Variants in ADH1C observed in about 807,000 individuals in gnomAD.
The protein encoded by ADH1C is alcohol dehydrogenase 1C.
In ADH1C, 26 loss-of-function variants were observed where a neutral mutation model predicts 35.0. The ratio of observed to expected loss-of-function variants is 0.74; its 90% CI spans 0.54 to 1.03. The LOEUF is 1.03. Among genes scored for constraint, ADH1C ranks in the 50% least tolerant of loss-of-function variants. The probability of loss-of-function intolerance (pLI) is 0.00; values close to 1 mark genes in which losing one functional copy is unlikely to be tolerated. For synonymous variants in ADH1C, 170 were observed against 169.3 expected, an observed-to-expected ratio of 1.00 and a Z score of -0.03; for missense variants, 413 against 465.4, an observed-to-expected ratio of 0.89 and a Z score of 1.04.
At chr4:99,351,807 ATTTT>A (rs1301633016) in intron 1 of ADH1C, among the ~76,000 whole-genome samples, 1 of 152,220 alleles carries the variant, frequency 6.6e-6, no homozygotes, top group Non-Finnish European at 1.5e-5. Context: ...AGTTGCACAG[ATTTT>A]TTTAAATTAG....
intron 3 of ADH1C, among the ~76,000 whole-genome samples, chr4:99,346,307 A>C (rs1328495925): frequency 6.6e-6 from 1 of 152,134 alleles, no homozygotes; most frequent in Non-Finnish European, 1.5e-5. Flanking sequence ...ATTTATATTA[A>C]TACATAATAA....
intron 6 of ADH1C, among the ~76,000 whole-genome samples, chr4:99,341,576 T>C (rs1734416236): frequency 6.6e-6 from 1 of 152,192 alleles, no homozygotes; most frequent in Admixed American, 6.5e-5. Flanking sequence ...TATTCCTCTG[T>C]GGCATTTGTC....
intron 1 of ADH1C, among the ~76,000 whole-genome samples, chr4:99,348,389 T>A (rs1178313370): frequency 6.6e-6 from 1 of 151,560 alleles, no homozygotes. Flanking sequence ...TGGTTTTTTG[T>A]TCTTGCGATA....
intron 3 of ADH1C, among the ~76,000 whole-genome samples, chr4:99,346,515 A>G (rs283412): frequency 0.98 from 148,952 of 152,196 alleles, 72,907 homozygotes; most frequent in East Asian, 1. Context: ...GGAAATCGGT[A>G]AAGGAGCTGC....
At chr4:99,352,550 AT>A in intron 1 of ADH1C, 107 bp downstream of exon 1, 3 of 854,140 alleles carry the variant, frequency 3.5e-6, no homozygotes, top group Non-Finnish European at 5.3e-6. Context: ...TCATCATCTA[AT>A]TTAGATATGA....
chr4:99,344,876 C>T lies in ADH1C; in HGVS notation c.553G>A (p.Val185Ile). ...CGFSTGYGSA[V>I]KVAKVTPGST... ...GTCATTTCTACCTTGGCAACTTTGA[C>T]TGCAGACCCATAACCAGTCGAAAAT... is the stretch of plus-strand genomic sequence containing the variant. Residue 185 changes from valine (V) to isoleucine (I), a missense_variant, in exon 5 of 9, where the codon GTC (valine) becomes ATC (isoleucine). By Grantham distance (29) the Val-to-Ile change is conservative. Transcript: ENST00000515683. 1 of 1,614,188 alleles carries T rather than the reference C, an allele frequency of 6.2e-7. No individual in the cohort carries two copies. The highest frequency in any genetic ancestry group is 1.1e-5 in the South Asian group (1 of 91,088).
intron 1 of ADH1C, among the ~76,000 whole-genome samples, chr4:99,349,716 T>C (rs910004629): frequency 3.9e-5 from 6 of 152,194 alleles, no homozygotes; most frequent in African/African-American, 1.4e-4. Context: ...GCCTGTTTTG[T>C]TCATCTAATT....
chr4:99,341,592 T>G (rs977547957), intron 6 of ADH1C, among the ~76,000 whole-genome samples: 3 of 152,162 alleles, frequency 2.0e-5, no homozygotes, highest in Non-Finnish European at 4.4e-5. Flanking sequence ...TTGTCCCAGG[T>G]CAAGGCTGCT....
rs189196258 is a variant in ADH1C at position 99,345,862 on chromosome 4, G to A, written c.260-596C>T. 3.3e-5 allele frequency among the ~76,000 whole-genome samples: 5 copies of A among 152,198 alleles called. No homozygotes were observed. The East Asian group carries it at 5.8e-4, about 18-fold the overall frequency. ...GGACAAAGAAGAATTACAGAAATTC[G>A]TCTGAAAATTTCTACCTTCCACAAC... On this transcript the variant is annotated intron_variant, in intron 3 of 8. Transcript: ENST00000515683.
chr4:99,348,277 TC>T (rs1356206415), intron 1 of ADH1C, among the ~76,000 whole-genome samples: 2 of 82,166 alleles, frequency 2.4e-5, no homozygotes, highest in South Asian at 5.3e-4. Flanking sequence ...CCCTCCCCCC[TC>T]CCCCCACCCC....
intron 1 of ADH1C, among the ~76,000 whole-genome samples, chr4:99,352,006 AG>A (rs1202690104): frequency 6.6e-6 from 1 of 152,150 alleles, no homozygotes; most frequent in Non-Finnish European, 1.5e-5. Flanking sequence ...TATATAGGGG[AG>A]ATACTGTTCC....
At position 99,336,534 on chromosome 4, in the gene ADH1C, GT is replaced by G. The variant is rs2110650263; in HGVS notation, c.*217del. The G allele has an allele frequency of 1.6e-6, 1 of 614,480 alleles. No individual in the cohort carries two copies. The highest frequency in any genetic ancestry group is 2.9e-5 in the East Asian group (1 of 34,898). 38.1% of individuals were successfully genotyped at this position (614,480 alleles called of 1,614,324 possible). A position where few individuals can be genotyped will look rare whatever the true frequency, so the allele number is the denominator to read the frequency against. ...AAGGTTTATTGGCTTCAATTCCCCAGTTGATGTTCAACACTTTATTTAGTTC... is the reference window on the plus strand; with the variant it reads ...AAGGTTTATTGGCTTCAATTCCCCAGTGATGTTCAACACTTTATTTAGTTC... On this transcript the variant is annotated 3_prime_UTR_variant, in exon 9 of 9. Coordinates refer to ENST00000515683, the MANE Select transcript of ADH1C (RefSeq NM_000669.5).
At chr4:99,345,424 G>A (rs1165315262) in intron 3 of ADH1C, among the ~76,000 whole-genome samples, 158 bp from the exon 4 acceptor site, 3 of 152,198 alleles carry the variant, frequency 2.0e-5, no homozygotes, top group African/African-American at 7.2e-5. Flanking sequence ...GCCTGCCAAG[G>A]CATTGTTTTT....
intron 8 of ADH1C, 37 bp from the exon 9 acceptor site, chr4:99,336,813 A>G (rs761509405): frequency 6.2e-7 from 1 of 1,613,268 alleles, no homozygotes; most frequent in Non-Finnish European, 8.5e-7. Context: ...GTTAACATTT[A>G]GACAACCCAC....
rs1472863843 is a variant in ADH1C at position 99,345,067 on chromosome 4, C to T, written c.362G>A (p.Arg121Gln). ...YCLKNDLGNP[R>Q]GTLQDGTRRF... ...CCTGGTGCCATCCTGCAGGGTCCCCCGAGGATTGCCTAGACTGGGCAGTGC... is the reference window on the plus strand; with the variant it reads ...CCTGGTGCCATCCTGCAGGGTCCCCTGAGGATTGCCTAGACTGGGCAGTGC... Residue 121 changes from arginine to glutamine, a missense_variant, in exon 5 of 9, where the codon CGG becomes CAG. Coordinates refer to ENST00000515683, the MANE Select transcript of ADH1C (RefSeq NM_000669.5). 21 of 1,614,126 alleles carry T rather than the reference C, an allele frequency of 1.3e-5. No individual in the cohort carries two copies. Among genetic ancestry groups the T allele is most frequent in the African/African-American group, 5.3e-5 (4 of 75,038 alleles).
intron 5 of ADH1C, among the ~76,000 whole-genome samples, chr4:99,344,064 T>C (rs1161047010): frequency 2.0e-5 from 3 of 152,226 alleles, no homozygotes; most frequent in African/African-American, 7.2e-5. Context: ...CTAATAATTA[T>C]GGATTGTGAT....
chr4:99,342,056 G>A (rs551869592), intron 6 of ADH1C, among the ~76,000 whole-genome samples: 1 of 151,980 alleles, frequency 6.6e-6, no homozygotes, highest in South Asian at 2.1e-4. Context: ...AAATAAAAAA[G>A]GGGGCTGCTG....
intron 1 of ADH1C, among the ~76,000 whole-genome samples, chr4:99,349,124 G>T (rs283414): frequency 0.85 from 107,882 of 126,984 alleles, 46,044 homozygotes; most frequent in East Asian, 1. Flanking sequence ...AGAAGCTCTT[G>T]AGTTTAATTA....
At chr4:99,343,204 C>T (rs1734457361) in intron 5 of ADH1C, 149 bp from the exon 6 acceptor site, 1 of 1,196,912 alleles carries the variant, frequency 8.4e-7, no homozygotes, top group Non-Finnish European at 1.2e-6. Flanking sequence ...GCTTGAAATG[C>T]TTCATGTTTA....
Sources: allele counts gnomAD v4.1 joint callset (sites outside exome capture counted in the v4.1 genomes callset), GRCh38; gene constraint gnomAD v4.1.1; transcripts MANE v1.5; gene names NCBI Gene and HGNC (gene_info 2026-07-23, HGNC 2026-07-21).